The following UTRN variants were observed in gnomAD, a reference collection of about 807,000 sequenced individuals.
UTRN encodes utrophin.
A neutral mutation model predicts 463.9 loss-of-function variants in UTRN; 283 were observed. That is an observed-to-expected ratio of 0.61 (90% CI 0.55 to 0.67). The LOEUF is 0.67. Among genes scored for constraint, UTRN ranks in the 30% least tolerant of loss-of-function variants. UTRN has a pLI of 0.00. For missense variants in UTRN, 3,922 were observed against 4,084.3 expected, an observed-to-expected ratio of 0.96 and a Z score of 1.08; for synonymous variants, 1,442 against 1,431.5, an observed-to-expected ratio of 1.01 and a Z score of -0.17.
In UTRN at chr6:144,799,083, C is replaced by T. The variant is rs550361198; in HGVS notation, c.9245+1093C>T. On this transcript the variant is annotated intron_variant, in intron 64 of 74. Coordinates refer to ENST00000367545, the MANE Select transcript of UTRN (RefSeq NM_007124.3). ...CGTACCAGAAGATCAAGTACCAATA[C>T]GGTGATTCTCTGAGGGAGAGTCAAA... 5.3e-5 allele frequency among the ~76,000 whole-genome samples: 8 copies of T among 152,304 alleles called. No homozygotes were observed. In the South Asian group the frequency reaches 1.2e-3, roughly 24 times the overall value.
chr6:144,492,912 G>T (rs1302103922), intron 32 of UTRN, among the ~76,000 whole-genome samples: 1 of 152,200 alleles, frequency 6.6e-6, no homozygotes, highest in African/African-American at 2.4e-5. Context: ...GCAGTAGCCA[G>T]TGTTGGCTTG....
rs1471470296 is a variant in UTRN at position 144,531,066 on chromosome 6, C to A, written c.5921C>A (p.Ala1974Glu). 6.2e-7 allele frequency: 1 copy of A among 1,613,664 alleles called. No homozygotes were observed. Among genetic ancestry groups the A allele is most frequent in the East Asian group, 2.2e-5 (1 of 44,850 alleles). ...TTGTCCTCTAGTTGTTTTGACAGGG[C>A]AATGGAAGAATGGAGACAGTTCCAT... ...YSDRKGCFDR[A>E]MEEWRQFHCD... The change falls in exon 42 of 75, where the codon GCA becomes GAA. Residue 1974 changes from alanine to glutamate, a missense_variant. Transcript: ENST00000367545.
rs144822430 is a variant in UTRN, at chr6:144,539,312, G to A, written c.6388G>A (p.Glu2130Lys). The A allele has an allele frequency of 0.01, 16,648 of 1,611,668 alleles. 121 individuals are homozygous for A. Among genetic ancestry groups the A allele is most frequent in the Middle Eastern group, 0.039 (234 of 6,052 alleles). The change falls in exon 45 of 75, where the codon GAA becomes AAA. Residue 2130 changes from glutamate to lysine, a missense_variant. Glu to Lys is a moderately conservative substitution (Grantham distance 56). This residue lies in a region of UTRN where 2,349 missense variants were observed against 2,303.8 expected (regional missense o/e 1.02). Transcript: ENST00000367545. Reference protein sequence around the residue: ...QELRDLTQEMEVHAEKLKWLN... With the variant: ...QELRDLTQEMKVHAEKLKWLN... ...TCTCCAGGACTTAACTCAAGAAATG[G>A]AAGTACATGCTGAAAAACTCAAATG...
Position 144,793,953 on chromosome 6 carries a change from A to G in UTRN, c.9040A>G (p.Ser3014Gly), listed in dbSNP as rs1371816449. 1 of 1,613,978 alleles carries G rather than the reference A, an allele frequency of 6.2e-7. No homozygotes were observed. Among genetic ancestry groups the G allele is most frequent in the Middle Eastern group, 1.6e-4 (1 of 6,082 alleles). Residue 3014 changes from serine to glycine, a missense_variant, in exon 63 of 75, where the codon AGT becomes GGT. Physicochemically the swap from Ser to Gly is moderately conservative, Grantham distance 56 (BLOSUM62 0). Around this residue, in one of 3 missense-constraint regions of UTRN, gnomAD observed 1,309 missense variants for 1,452.6 expected, o/e 0.90. Transcript: ENST00000367545. ...QLGEVAAFGG[S>G]NIEPSVRSCF... is the part of the protein sequence containing the mutation. ...AGGTGAAGTAGCAGCTTTTGGAGGCAGTAATATTGAGCCTAGTGTTCGCAG... is the reference window on the plus strand; with the variant it reads ...AGGTGAAGTAGCAGCTTTTGGAGGCGGTAATATTGAGCCTAGTGTTCGCAG...
At chr6:144,344,090 C>CAAAAAAAAAAAAAAAAAAAAAAAA (rs34356247) in intron 2 of UTRN, 1 of 728,340 alleles carries the variant, frequency 1.4e-6, no homozygotes. Context: ...TAAAAGCCAC[C>CAAAAAAAAAAAAAAAAAAAAAAAA]AAAAAAAAAA....
At chr6:144,836,620 G>A in intron 71 of UTRN, 79 bp downstream of exon 71, 1 of 1,564,514 alleles carries the variant, frequency 6.4e-7, no homozygotes, top group Non-Finnish European at 8.7e-7. Context: ...CCAGGTGTCA[G>A]GAGAGGCAGA....
chr6:144,299,767 C>T (rs2502628), intron 2 of UTRN, among the ~76,000 whole-genome samples: 22,848 of 151,874 alleles, frequency 0.15, 2,314 homozygotes, highest in African/African-American at 0.28. Flanking sequence ...CAAAGACAGA[C>T]GTGTTTTTGA....
At chr6:144,612,679 G>A (rs541611750) in intron 51 of UTRN, among the ~76,000 whole-genome samples, 1 of 152,138 alleles carries the variant, frequency 6.6e-6, no homozygotes, top group African/African-American at 2.4e-5. Flanking sequence ...TAGAATGGCT[G>A]TTGTCAAAAA....
intron 65 of UTRN, among the ~76,000 whole-genome samples, chr6:144,815,367 G>A (rs1257624071): frequency 2.6e-5 from 4 of 152,160 alleles, no homozygotes; most frequent in Non-Finnish European, 4.4e-5. Flanking sequence ...GAACTAATAG[G>A]ATAGATGTAT....
chr6:144,479,924 A>C lies in UTRN; in HGVS notation c.3449A>C (p.Glu1150Ala). 1 of 1,614,164 alleles carries C rather than the reference A, an allele frequency of 6.2e-7. No individual in the cohort carries two copies. Among genetic ancestry groups the C allele is most frequent in the Non-Finnish European group, 8.5e-7 (1 of 1,180,026 alleles). ...WMTQAEEEYL[E>A]RDFEYKSPEE... The stretch of plus-strand genomic sequence containing the variant: ...ACCCAGGCCGAGGAAGAATATTTGG[A>C]GCGGGATTTTGAGTACAAGTCACCA... The change falls in exon 26 of 75, where the codon GAG becomes GCG. Residue 1150 changes from glutamate (E) to alanine (A), a missense_variant. Around this residue, in one of 3 missense-constraint regions of UTRN, gnomAD observed 2,349 missense variants for 2,303.8 expected, o/e 1.02. Coordinates refer to ENST00000367545, the MANE Select transcript of UTRN (RefSeq NM_007124.3).
intron 12 of UTRN, 28 bp downstream of exon 12, chr6:144,438,923 C>A: frequency 3.1e-6 from 5 of 1,609,946 alleles, no homozygotes; most frequent in Non-Finnish European, 4.2e-6. Context: ...TTCTTCGATA[C>A]CTTATCAAAT....
rs1248343929 is a variant in UTRN, at chr6:144,438,835, G to A, written c.1332G>A (p.Met444Ile). The A allele has an allele frequency of 1.9e-6, 3 of 1,614,044 alleles. No individual in the cohort carries two copies. The highest frequency in any genetic ancestry group is 3.3e-5 in the Admixed American group (2 of 59,992). The change falls in exon 12 of 75, where the codon ATG becomes ATA. Residue 444 changes from methionine to isoleucine, a missense_variant. Physicochemically the swap from Met to Ile is conservative, Grantham distance 10 (BLOSUM62 1). Around this residue, in one of 3 missense-constraint regions of UTRN, gnomAD observed 2,349 missense variants for 2,303.8 expected, o/e 1.02. Transcript: ENST00000367545. The stretch of plus-strand genomic sequence containing the variant: ...TCACAGAGGAGCGCATTCAGAAGAT[G>A]GAAACTTGCCCCCTGGATGATGATG... ...LTLTEERIQK[M>I]ETCPLDDDVK...
chr6:144,761,509 T>C (rs1792675169), intron 58 of UTRN, among the ~76,000 whole-genome samples: 2 of 151,884 alleles, frequency 1.3e-5, no homozygotes, highest in South Asian at 2.1e-4. Flanking sequence ...TAGCTGGGCA[T>C]GGTAACATGC....
At position 144,651,402 on chromosome 6, in the gene UTRN, A is replaced by G. The variant is rs114266624; in HGVS notation, c.7480-27004A>G. On this transcript the variant is annotated intron_variant, in intron 51 of 74. Coordinates refer to ENST00000367545, the MANE Select transcript of UTRN (RefSeq NM_007124.3). ...CAAGTGTTAGAGGAATATTCTACAC[A>G]GAAAAATCAAGGTTCAGACAAGAGT... is the stretch of plus-strand genomic sequence containing the variant. Among the ~76,000 whole-genome samples the G allele has an allele frequency of 4.1e-3, 629 of 152,328 alleles. 3 individuals are homozygous for G. The highest frequency in any genetic ancestry group is 0.015 in the African/African-American group (611 of 41,568).
chr6:144,705,684 A>G (rs1785020388), intron 53 of UTRN, among the ~76,000 whole-genome samples: 1 of 152,220 alleles, frequency 6.6e-6, no homozygotes, highest in South Asian at 2.1e-4. Context: ...AGACATTCAA[A>G]CTGTAGCAAG....
intron 51 of UTRN, among the ~76,000 whole-genome samples, chr6:144,640,361 A>T (rs1191889488): frequency 6.6e-6 from 1 of 152,238 alleles, no homozygotes; most frequent in Non-Finnish European, 1.5e-5. Context: ...GCCAAAGTCC[A>T]GTCCCAAACA....
At chr6:144,725,470 G>A (rs1787768529) in intron 53 of UTRN, among the ~76,000 whole-genome samples, 1 of 152,148 alleles carries the variant, frequency 6.6e-6, no homozygotes, top group South Asian at 2.1e-4. Context: ...TTATTATCTG[G>A]AACAGAACTG....
chr6:144,674,679 C>T (rs1307942393), intron 51 of UTRN, among the ~76,000 whole-genome samples: 2 of 152,292 alleles, frequency 1.3e-5, no homozygotes, highest in Middle Eastern at 3.4e-3. Context: ...ACTTCAGTCT[C>T]CCAAGTAGCT....
intron 52 of UTRN, among the ~76,000 whole-genome samples, chr6:144,682,217 T>A (rs1365561690): frequency 6.6e-6 from 1 of 152,168 alleles, no homozygotes; most frequent in Non-Finnish European, 1.5e-5. Flanking sequence ...TTGTTTTGAT[T>A]TTTAGATCCC....
Sources: allele counts gnomAD v4.1 joint callset (sites outside exome capture counted in the v4.1 genomes callset), GRCh38; gene constraint gnomAD v4.1.1; regional missense constraint gnomAD v4.1.1; transcripts MANE v1.5; gene names NCBI Gene and HGNC (gene_info 2026-07-23, HGNC 2026-07-21).